The following DLGAP1 variants were observed in gnomAD, a reference collection of about 807,000 sequenced individuals.
DLGAP1 encodes DLG associated protein 1.
Under a neutral mutation model 90.8 loss-of-function variants are expected in DLGAP1, and 11 were observed. That is an observed-to-expected ratio of 0.12 (90% confidence interval 0.08 to 0.20). The LOEUF is 0.20. DLGAP1 is among the 10% of genes least tolerant of loss of function. The probability of loss-of-function intolerance (pLI) is 1.00; values close to 1 mark genes in which losing one functional copy is unlikely to be tolerated. For missense variants in DLGAP1, 1,050 were observed against 1,333.8 expected, an observed-to-expected ratio of 0.79 and a Z score of 3.31; for synonymous variants, 558 against 540.7, an observed-to-expected ratio of 1.03 and a Z score of -0.44.
At chr18:4,313,064 A>G (rs1272414947) in intron 1 of DLGAP1, among the ~76,000 whole-genome samples, 1 of 152,218 alleles carries the variant, frequency 6.6e-6, no homozygotes, top group African/African-American at 2.4e-5. Flanking sequence ...CTAAAAAATT[A>G]TGCTTGTCAT....
chr18:3,585,555 A>G (rs894013432), intron 7 of DLGAP1, among the ~76,000 whole-genome samples: 1 of 152,260 alleles, frequency 6.6e-6, no homozygotes, highest in African/African-American at 2.4e-5. Flanking sequence ...AAGAAGCTAA[A>G]TAACATATTC....
chr18:4,326,752 C>T (rs1486703605), intron 1 of DLGAP1, among the ~76,000 whole-genome samples: 2 of 151,998 alleles, frequency 1.3e-5, no homozygotes, highest in African/African-American at 4.8e-5. Context: ...AACATAGGGA[C>T]AGAAAAACAA....
At chr18:3,718,016 G>A (rs745873132) in intron 7 of DLGAP1, among the ~76,000 whole-genome samples, 4 of 152,076 alleles carry the variant, frequency 2.6e-5, no homozygotes, top group Admixed American at 2.0e-4. Context: ...TGAGTTTCTC[G>A]TTCTCTTTTT....
chr18:3,781,944 T>G (rs2065213637), intron 5 of DLGAP1, among the ~76,000 whole-genome samples: 1 of 152,190 alleles, frequency 6.6e-6, no homozygotes, highest in Non-Finnish European at 1.5e-5. Context: ...CATGCTTGAT[T>G]TGATTAAAAT....
chr18:3,815,178 G>A (rs1598857688), intron 4 of DLGAP1, among the ~76,000 whole-genome samples: 1 of 152,172 alleles, frequency 6.6e-6, no homozygotes, highest in Admixed American at 6.5e-5. Context: ...ATTGATCTAT[G>A]CCTTCCTTGA....
At chr18:3,695,972 A>G (rs988177824) in intron 7 of DLGAP1, among the ~76,000 whole-genome samples, 16 of 152,314 alleles carry the variant, frequency 1.1e-4, no homozygotes, top group East Asian at 3.9e-4. Flanking sequence ...ATTGTGAATG[A>G]GAGTTCACTC....
At chr18:4,336,515 G>T (rs551965487) in intron 1 of DLGAP1, among the ~76,000 whole-genome samples, 5 of 152,164 alleles carry the variant, frequency 3.3e-5, no homozygotes, top group Non-Finnish European at 5.9e-5. Flanking sequence ...TCTAGGCCAG[G>T]ATGAGCTCCT....
chr18:3,663,019 C>A (rs1384998533), intron 7 of DLGAP1, among the ~76,000 whole-genome samples: 1 of 152,090 alleles, frequency 6.6e-6, no homozygotes, highest in African/African-American at 2.4e-5. Flanking sequence ...CGCCTGTAAT[C>A]CCAGCACTTT....
chr18:3,986,640 G>A (rs1161072136), intron 3 of DLGAP1: 1 of 152,112 alleles, frequency 6.6e-6, no homozygotes, highest in African/African-American at 2.4e-5. Context: ...AGAGTCCAGA[G>A]GAGAACTTTG....
intron 1 of DLGAP1, among the ~76,000 whole-genome samples, chr18:4,252,368 G>C (rs1473580832): frequency 6.6e-6 from 1 of 152,162 alleles, no homozygotes; most frequent in African/African-American, 2.4e-5. Flanking sequence ...TGGGGGAAGG[G>C]ATATTTTTCA....
intron 7 of DLGAP1, among the ~76,000 whole-genome samples, chr18:3,659,103 C>G (rs1029837249): frequency 4.6e-5 from 7 of 151,794 alleles, no homozygotes; most frequent in African/African-American, 9.7e-5. Context: ...GTAAGGTAGG[C>G]CTTTATATTG....
intron 1 of DLGAP1, among the ~76,000 whole-genome samples, chr18:4,351,739 C>T (rs537459782): frequency 1.8e-4 from 28 of 152,118 alleles, no homozygotes; most frequent in Non-Finnish European, 3.8e-4. Context: ...ATTTGTTGTA[C>T]AAATGTGGTG....
intron 7 of DLGAP1, among the ~76,000 whole-genome samples, chr18:3,666,956 T>G (rs2059906263): frequency 6.6e-6 from 1 of 152,132 alleles, no homozygotes; most frequent in African/African-American, 2.4e-5. Context: ...TGTTTTGTTT[T>G]AGAGATGAGG....
intron 1 of DLGAP1, among the ~76,000 whole-genome samples, chr18:4,284,377 GA>G (rs2079630889): frequency 6.6e-6 from 1 of 151,990 alleles, no homozygotes; most frequent in Non-Finnish European, 1.5e-5. Flanking sequence ...ACAATAGAGG[GA>G]AGGGAAACCA....
chr18:3,732,447 C>T (rs1215745340), intron 6 of DLGAP1, among the ~76,000 whole-genome samples: 4 of 151,072 alleles, frequency 2.6e-5, no homozygotes, highest in South Asian at 2.1e-4. Context: ...TACTTGTTTA[C>T]TTAATGATTT....
At chr18:3,583,182 C>CTTCT (rs1568240946) in intron 7 of DLGAP1, among the ~76,000 whole-genome samples, 9 of 143,682 alleles carry the variant, frequency 6.3e-5, no homozygotes, top group African/African-American at 1.5e-4. Flanking sequence ...ACCTACCTAC[C>CTTCT]TACCTTCCTT....
intron 1 of DLGAP1, among the ~76,000 whole-genome samples, chr18:4,171,747 G>A (rs1036749473): frequency 2.0e-5 from 3 of 151,986 alleles, no homozygotes; most frequent in South Asian, 2.1e-4. Context: ...CTCTAATATC[G>A]AAGAGCACAA....
At chr18:3,567,066 AT>A (rs201643076) in intron 9 of DLGAP1, among the ~76,000 whole-genome samples, 1 of 144,132 alleles carries the variant, frequency 6.9e-6, no homozygotes, top group African/African-American at 2.7e-5. Flanking sequence ...TCATTCATTC[AT>A]TCATCATTCA....
rs568601756 is a variant in DLGAP1 at position 4,299,918 on chromosome 18, A to T, written c.-266-148631T>A. ...ATCAAATCAATTGGAAAATCATTAA[A>T]ACTAATAAGAAATCTGTAAATTCAT... is the stretch of plus-strand genomic sequence containing the variant. On this transcript the variant is annotated intron_variant, in intron 1 of 12. Transcript: ENST00000315677. Among the ~76,000 whole-genome samples, 22 of 152,314 alleles carry T rather than the reference A, an allele frequency of 1.4e-4. No homozygotes were observed. In the South Asian group the frequency reaches 3.5e-3, roughly 24 times the overall value.
Sources: gnomAD v4.1 joint callset for allele counts (sites outside exome capture counted in the v4.1 genomes callset) on GRCh38, gnomAD v4.1.1 for gene constraint, MANE v1.5 for transcripts, NCBI Gene and HGNC (gene_info 2026-07-23, HGNC 2026-07-21) for gene names.